SUSD6: variants seen among roughly 807,000 people sequenced by gnomAD.
SUSD6 encodes sushi domain-containing protein 6.
Under a neutral mutation model 28.4 loss-of-function variants are expected in SUSD6, and 16 were observed. The observed-to-expected ratio is 0.56, with a 90% CI of 0.38 to 0.86. SUSD6 has a LOEUF of 0.86. SUSD6 is among the 40% of genes least tolerant of loss of function. The pLI is 0.00. For missense variants in SUSD6, 341 were observed against 384.2 expected (o/e 0.89, Z 0.94); for synonymous variants, 147 against 159.6 (o/e 0.92, Z 0.59).
intron 1 of SUSD6, among the ~76,000 whole-genome samples, chr14:69,650,467 G>A (rs1885487691): frequency 6.6e-6 from 1 of 152,146 alleles, no homozygotes. Flanking sequence ...CTCCCTGAGA[G>A]ATACATAGTT....
intron 4 of SUSD6, among the ~76,000 whole-genome samples, chr14:69,705,361 C>G (rs1886373670): frequency 6.6e-6 from 1 of 151,778 alleles, no homozygotes; most frequent in South Asian, 2.1e-4. Context: ...TGTTCAATTC[C>G]AAAGCCATGT....
At position 69,708,689 on chromosome 14, in the gene SUSD6, G is replaced by T. The variant is rs778706037; in HGVS notation, c.471G>T (p.Gly157=). Residue 157 remains glycine (G), a synonymous_variant, in exon 5 of 6, where the codon GGG becomes GGT. Transcript: ENST00000342745. ...KSFHHSRRDQ[G]VSGDQVSIMV... Reference sequence around the variant, plus strand: ...TCCTCCACTCCAGGCGTGACCAGGGGGTATCTGGGGACCAGGTCTCCATCA... The same window carrying T: ...TCCTCCACTCCAGGCGTGACCAGGGTGTATCTGGGGACCAGGTCTCCATCA... The T allele has an allele frequency of 2.1e-5, 33 of 1,578,334 alleles. No individual in the cohort carries two copies. The highest frequency in any genetic ancestry group is 2.8e-5 in the Non-Finnish European group (32 of 1,160,180).
chr14:69,631,781 C>T (rs1885198780), intron 1 of SUSD6, among the ~76,000 whole-genome samples: 1 of 152,196 alleles, frequency 6.6e-6, no homozygotes, highest in Non-Finnish European at 1.5e-5. Context: ...GAATGTTTGC[C>T]ATCCCTAGGA....
At chr14:69,695,035 C>G (rs1886205594) in intron 2 of SUSD6, among the ~76,000 whole-genome samples, 1 of 152,206 alleles carries the variant, frequency 6.6e-6, no homozygotes, top group Non-Finnish European at 1.5e-5. Context: ...TGGCTCTCCC[C>G]CAGTGAGTGG....
intron 2 of SUSD6, among the ~76,000 whole-genome samples, chr14:69,669,891 C>T (rs2139622184): frequency 6.6e-6 from 1 of 152,160 alleles, no homozygotes; most frequent in African/African-American, 2.4e-5. Flanking sequence ...TTCCTAGGAG[C>T]AGGATTCCAA....
At chr14:69,640,448 T>C (rs973457413) in intron 1 of SUSD6, among the ~76,000 whole-genome samples, 2 of 152,102 alleles carry the variant, frequency 1.3e-5, no homozygotes, top group African/African-American at 4.8e-5. Context: ...ATTTCTCCTG[T>C]CTCAGTCTCC....
intron 1 of SUSD6, among the ~76,000 whole-genome samples, chr14:69,625,532 A>C (rs1436824219): frequency 1.3e-5 from 2 of 152,214 alleles, no homozygotes; most frequent in African/African-American, 4.8e-5. Flanking sequence ...TCGGATGTGC[A>C]GACAGGAAGC....
chr14:69,685,500 A>G (rs1886060148), intron 2 of SUSD6, among the ~76,000 whole-genome samples: 2 of 152,184 alleles, frequency 1.3e-5, no homozygotes, highest in African/African-American at 2.4e-5. Flanking sequence ...GGTGCTGACT[A>G]GCTTGACTTC....
intron 2 of SUSD6, among the ~76,000 whole-genome samples, chr14:69,690,297 T>A (rs1429156513): frequency 1.3e-5 from 2 of 152,200 alleles, no homozygotes; most frequent in African/African-American, 4.8e-5. Context: ...ATTTTGAGGT[T>A]GTTTTGTTTT....
intron 1 of SUSD6, among the ~76,000 whole-genome samples, chr14:69,619,149 C>T (rs1268206436): frequency 6.6e-6 from 1 of 152,106 alleles, no homozygotes; most frequent in Non-Finnish European, 1.5e-5. Flanking sequence ...GGCCTGGTCC[C>T]GGAATGGGGG....
intron 1 of SUSD6, among the ~76,000 whole-genome samples, chr14:69,648,947 A>G (rs1041385032): frequency 2.6e-5 from 4 of 152,004 alleles, no homozygotes; most frequent in Non-Finnish European, 5.9e-5. Context: ...CTTTCTTTGT[A>G]AGTAGCACTG....
rs74060217 is a variant in SUSD6 at position 69,615,090 on chromosome 14, G to A, written c.-81+3262G>A. On this transcript the variant is annotated intron_variant, in intron 1 of 5. Transcript: ENST00000342745. ...TCAGAAGGAGCCAATAGAGGAGGGA[G>A]CCCCATGTCTTGTCTTCTTTTCAAC... is the stretch of plus-strand genomic sequence containing the variant. 9.5e-3 allele frequency among the ~76,000 whole-genome samples: 1,443 copies of A among 152,356 alleles called. 26 individuals carry two copies. Among genetic ancestry groups the A allele is most frequent in the African/African-American group, 0.033 (1,359 of 41,576 alleles).
chr14:69,704,090 G>T (rs1439077006), intron 3 of SUSD6, among the ~76,000 whole-genome samples: 1 of 152,194 alleles, frequency 6.6e-6, no homozygotes, highest in Non-Finnish European at 1.5e-5. Flanking sequence ...TTCAAGACCA[G>T]AGCATGTTTA....
chr14:69,702,172 C>G (rs189398296), intron 2 of SUSD6, among the ~76,000 whole-genome samples: 2 of 152,294 alleles, frequency 1.3e-5, no homozygotes, highest in African/African-American at 4.8e-5. Context: ...TACAGATGTC[C>G]TTGTGATATT....
rs955916658 is a variant in SUSD6, at chr14:69,708,856, G to A, written c.638G>A (p.Arg213Lys). Residue 213 changes from arginine (R) to lysine (K), a missense_variant, in exon 5 of 6, where the codon AGG (arginine) becomes AAG (lysine). Arg to Lys is a conservative substitution (Grantham distance 26). Coordinates refer to ENST00000342745, the MANE Select transcript of SUSD6 (RefSeq NM_014734.4). ...GSGPSGRSVP[R>K]EQQLPDQGAC... ...GGGCCCAGTGGGAGGAGCGTGCCAA[G>A]GGAGCAACAGCTGCCGGACCAAGGG... 1 of 1,614,166 alleles carries A rather than the reference G, an allele frequency of 6.2e-7. No homozygotes were observed. Among genetic ancestry groups the A allele is most frequent in the Admixed American group, 1.7e-5 (1 of 60,028 alleles).
At chr14:69,639,650 A>G (rs145263143) in intron 1 of SUSD6, among the ~76,000 whole-genome samples, 66 of 152,332 alleles carry the variant, frequency 4.3e-4, no homozygotes, top group Middle Eastern at 3.4e-3. Context: ...AGGTGGATCA[A>G]CTGACATCTT....
intron 2 of SUSD6, 74 bp from the exon 3 acceptor site, chr14:69,703,321 G>T (rs1886338315): frequency 1.7e-6 from 2 of 1,211,620 alleles, no homozygotes; most frequent in Non-Finnish European, 2.4e-6. Context: ...GAGGCCTTCA[G>T]AGCTGCGTCA....
intron 1 of SUSD6, among the ~76,000 whole-genome samples, chr14:69,643,638 T>G (rs1566593504): frequency 6.6e-6 from 1 of 152,212 alleles, no homozygotes; most frequent in East Asian, 1.9e-4. Flanking sequence ...TGCCTATTCA[T>G]GAGTCAGGCC....
intron 1 of SUSD6, among the ~76,000 whole-genome samples, chr14:69,636,937 G>A (rs542489392): frequency 2.0e-5 from 3 of 152,178 alleles, no homozygotes; most frequent in Non-Finnish European, 4.4e-5. Flanking sequence ...CATTTGATAG[G>A]CCTCAGTTTT....
Sources: gnomAD v4.1 joint callset for allele counts (sites outside exome capture counted in the v4.1 genomes callset) on GRCh38, gnomAD v4.1.1 for gene constraint, MANE v1.5 for transcripts, NCBI Gene and HGNC (gene_info 2026-07-23, HGNC 2026-07-21) for gene names.